The following DTNA variants were observed in gnomAD, a reference collection of about 807,000 sequenced individuals.
The protein encoded by DTNA is dystrobrevin alpha, also known as dystrophin-related protein 3.
In DTNA, 43 loss-of-function variants were observed where a neutral mutation model predicts 100.7. That is an observed-to-expected ratio of 0.43 (90% CI 0.33 to 0.55). The LOEUF is 0.55. Ranked by LOEUF, DTNA falls within the 20% of genes least tolerant of loss-of-function variation. The pLI is 0.04. For missense variants in DTNA, 798 were observed against 953.9 expected (o/e 0.84, Z 2.15); for synonymous variants, 349 against 347.9 (o/e 1.00, Z -0.04).
chr18:34,710,140 T>C (rs991580645), upstream of DTNA: 1 of 152,104 alleles, frequency 6.6e-6, no homozygotes. Flanking sequence ...ATTAGACTTG[T>C]CATACAGAAA....
intron 1 of DTNA, among the ~76,000 whole-genome samples, chr18:34,660,598 G>T (rs2075048806): frequency 6.6e-6 from 1 of 151,852 alleles, no homozygotes; most frequent in South Asian, 2.1e-4. Context: ...TAAGAGTCTG[G>T]CACCTTTTTA....
chr18:34,553,392 C>T (rs1354344759), intron 1 of DTNA, among the ~76,000 whole-genome samples: 1 of 150,430 alleles, frequency 6.6e-6, no homozygotes, highest in Non-Finnish European at 1.5e-5. Flanking sequence ...AATTAGATCC[C>T]ATTTGTCAAT....
At chr18:34,582,745 G>C (rs1162091530) in intron 1 of DTNA, among the ~76,000 whole-genome samples, 1 of 152,080 alleles carries the variant, frequency 6.6e-6, no homozygotes, top group Admixed American at 6.5e-5. Flanking sequence ...AATGTTGATG[G>C]GATACTCTTG....
intron 1 of DTNA, among the ~76,000 whole-genome samples, chr18:34,582,764 G>C: frequency 6.6e-6 from 1 of 152,114 alleles, no homozygotes; most frequent in African/African-American, 2.4e-5. Flanking sequence ...TGAAGAAATA[G>C]GGTACAATAT....
At chr18:34,682,417 T>C (rs954350588) in intron 1 of DTNA, among the ~76,000 whole-genome samples, 1 of 152,220 alleles carries the variant, frequency 6.6e-6, no homozygotes, top group African/African-American at 2.4e-5. Flanking sequence ...AATCATAGGA[T>C]AAAAATATGT....
At chr18:34,761,079 A>G (rs2093126331) in intron 2 of DTNA, among the ~76,000 whole-genome samples, 1 of 150,738 alleles carries the variant, frequency 6.6e-6, no homozygotes, top group Admixed American at 6.6e-5. Context: ...TCCTGTCAGT[A>G]TCTCTCTCTT....
chr18:34,659,387 A>G (rs1201821651), intron 1 of DTNA, among the ~76,000 whole-genome samples: 1 of 148,418 alleles, frequency 6.7e-6, no homozygotes, highest in East Asian at 2.0e-4. Context: ...TAGATTTTAC[A>G]CTTCCAACAC....
chr18:34,789,001 C>T (rs1328252333), intron 3 of DTNA, among the ~76,000 whole-genome samples: 1 of 152,080 alleles, frequency 6.6e-6, no homozygotes, highest in Non-Finnish European at 1.5e-5. Context: ...GGATGGCATT[C>T]GTTTCCTCAT....
intron 1 of DTNA, among the ~76,000 whole-genome samples, chr18:34,662,612 A>T (rs1291404609): frequency 6.6e-6 from 1 of 152,228 alleles, no homozygotes; most frequent in Admixed American, 6.5e-5. Flanking sequence ...GCAGAACTAA[A>T]ATTTGGATTT....
intron 1 of DTNA, among the ~76,000 whole-genome samples, chr18:34,501,942 C>T (rs1364155306): frequency 6.6e-6 from 1 of 152,184 alleles, no homozygotes; most frequent in East Asian, 1.9e-4. Context: ...ACCCTAACAG[C>T]TACATTTTAA....
At chr18:34,785,060 G>A (rs536535886) in intron 3 of DTNA, among the ~76,000 whole-genome samples, 2 of 151,414 alleles carry the variant, frequency 1.3e-5, no homozygotes, top group South Asian at 2.1e-4. Context: ...GACTATAGGC[G>A]CCCACCACCA....
intron 17 of DTNA, among the ~76,000 whole-genome samples, chr18:34,869,764 G>A (rs367657612): frequency 1.6e-4 from 25 of 152,336 alleles, no homozygotes; most frequent in African/African-American, 6.0e-4. Flanking sequence ...GCTCACGCCT[G>A]TAATCCCAGC....
chr18:34,807,878 GAA>G (rs556641813), intron 5 of DTNA, among the ~76,000 whole-genome samples: 3 of 91,476 alleles, frequency 3.3e-5, no homozygotes, highest in African/African-American at 1.2e-4. Flanking sequence ...CAAAAAAAAA[GAA>G]AAAAAAAAAG....
chr18:34,609,159 TCAAGA>T (rs1199993644), intron 1 of DTNA, among the ~76,000 whole-genome samples: 1 of 152,128 alleles, frequency 6.6e-6, no homozygotes, highest in Non-Finnish European at 1.5e-5. Context: ...AGTTTATCAC[TCAAGA>T]CAAGCTTGTA....
intron 1 of DTNA, among the ~76,000 whole-genome samples, chr18:34,738,335 A>G (rs1225832691): frequency 1.3e-5 from 2 of 152,226 alleles, no homozygotes; most frequent in African/African-American, 4.8e-5. Context: ...CTCATGTAAT[A>G]TGAGCTGCAA....
In DTNA at chr18:34,888,009, A is replaced by T. The variant is rs922252353; in HGVS notation, c.*275A>T. On this transcript the variant is annotated 3_prime_UTR_variant, in exon 23 of 23. Transcript: ENST00000444659. ...GTGTGTGTTTCAAGAAGGAAAAAAA[A>T]AGACTTCTGTTCAAAGTTAACTTAT... 14 of 985,890 alleles carry T rather than the reference A, an allele frequency of 1.4e-5. No individual in the cohort carries two copies. The highest frequency in any genetic ancestry group is 1.7e-5 in the Non-Finnish European group (14 of 829,952). The allele number at this position is 985,890 out of a possible 1,614,324, so 61.1% of individuals were successfully genotyped here.
intron 1 of DTNA, among the ~76,000 whole-genome samples, chr18:34,698,034 A>G (rs1568247726): frequency 6.6e-6 from 1 of 152,044 alleles, no homozygotes; most frequent in Non-Finnish European, 1.5e-5. Flanking sequence ...CCTTCACACA[A>G]TGCGTCATCT....
chr18:34,612,311 A>G (rs531607521), intron 1 of DTNA, among the ~76,000 whole-genome samples: 1 of 152,208 alleles, frequency 6.6e-6, no homozygotes, highest in Non-Finnish European at 1.5e-5. Flanking sequence ...CAGGTGACCC[A>G]CATACCACCT....
At chr18:34,588,834 A>G (rs969570408) in intron 1 of DTNA, among the ~76,000 whole-genome samples, 1 of 146,624 alleles carries the variant, frequency 6.8e-6, no homozygotes, top group East Asian at 1.9e-4. Context: ...CTGGTGTTCT[A>G]ATATAGTTGA....
Sources: allele counts gnomAD v4.1 joint callset (sites outside exome capture counted in the v4.1 genomes callset), GRCh38; gene constraint gnomAD v4.1.1; transcripts MANE v1.5; gene names NCBI Gene and HGNC (gene_info 2026-07-23, HGNC 2026-07-21).